The following SARS2 variants were observed in gnomAD, a reference collection of about 807,000 sequenced individuals.
SARS2 encodes the protein seryl-tRNA synthetase 2, mitochondrial, also known as serine--tRNA ligase, mitochondrial.
In SARS2, 52 loss-of-function variants were observed where a neutral mutation model predicts 66.8. The observed-to-expected ratio is 0.78, with a 90% CI of 0.62 to 0.98. The LOEUF is 0.98. SARS2 is among the 50% of genes least tolerant of loss of function. The probability of loss-of-function intolerance (pLI) is 0.00; values close to 1 mark genes in which losing one functional copy is unlikely to be tolerated. For missense variants in SARS2, 673 were observed against 706.3 expected, an observed-to-expected ratio of 0.95 and a Z score of 0.53; for synonymous variants, 306 against 281.4, an observed-to-expected ratio of 1.09 and a Z score of -0.87.
chr19:38,915,749 C>G lies in SARS2; in HGVS notation c.1414G>C (p.Asp472His), dbSNP rs753180948. The change falls in exon 16 of 16, where the codon GAC (aspartate) becomes CAC (histidine). Residue 472 changes from aspartate (D) to histidine (H), a missense_variant and splice_region_variant. Physicochemically the swap from Asp to His is moderately conservative, Grantham distance 81. Transcript: ENST00000221431. ...IALLESNQQK[D>H]GSVLVPPALQ... is the part of the protein sequence containing the mutation. ...GCAGGGGGCACGAGCACTGAGCCGT[C>G]CTGGGGACAGAGCAGACCTCAGGAC... The G allele has an allele frequency of 2.1e-5, 34 of 1,613,290 alleles. No individual in the cohort carries two copies. The highest frequency in any genetic ancestry group is 2.9e-5 in the Non-Finnish European group (34 of 1,179,990).
intron 1 of SARS2, among the ~76,000 whole-genome samples, chr19:38,929,902 A>G (rs921316609): frequency 6.6e-6 from 1 of 152,210 alleles, no homozygotes; most frequent in African/African-American, 2.4e-5. Flanking sequence ...TTTTATTATT[A>G]TTCACCGCAT....
In SARS2 at chr19:38,923,079, G is replaced by A. The variant is rs1600169266; in HGVS notation, c.364-812C>T. ...CCACCACGATCGGCTAATTTTTTTT[G>A]TATTTTTCGTAGAGACAAGGTTTCA... On this transcript the variant is annotated intron_variant, in intron 2 of 15. Coordinates refer to ENST00000221431, the MANE Select transcript of SARS2 (RefSeq NM_017827.4). Among the ~76,000 whole-genome samples the A allele has an allele frequency of 3.1e-5, 4 of 130,908 alleles. No individual in the cohort carries two copies. In the South Asian group the frequency reaches 9.8e-4, roughly 32 times the overall value. The allele number at this position is 130,908 out of a possible 152,430, so 85.9% of individuals were successfully genotyped here.
chr19:38,930,402 C>T (rs919954462), intron 1 of SARS2, 68 bp downstream of exon 1: 10 of 1,521,330 alleles, frequency 6.6e-6, no homozygotes, highest in South Asian at 1.2e-5. Context: ...TGCCGGAGGG[C>T]ATCTTGCAAA....
chr19:38,925,809 A>G (rs1974616674), intron 2 of SARS2, among the ~76,000 whole-genome samples: 1 of 152,074 alleles, frequency 6.6e-6, no homozygotes, highest in Non-Finnish European at 1.5e-5. Flanking sequence ...GCATGTCCAC[A>G]TTGTTCACGC....
Position 38,917,793 on chromosome 19 carries a change from C to T in SARS2, c.1091G>A (p.Ser364Asn), listed in dbSNP as rs748459213. Residue 364 changes from serine to asparagine, a missense_variant, in exon 12 of 16, where the codon AGC (serine) becomes AAC (asparagine). Physicochemically the swap from Ser to Asn is conservative, Grantham distance 46. Transcript: ENST00000221431. ...CAGGAACTCCTCCAGCAGCTGTGAGCTCTGCTCCAGCCCAGGGCCTGTCAC... is the reference window on the plus strand; with the variant it reads ...CAGGAACTCCTCCAGCAGCTGTGAGTTCTGCTCCAGCCCAGGGCCTGTCAC... ...FGVTGPGLEQ[S>N]SQLLEEFLSL... 5 of 1,614,044 alleles carry T rather than the reference C, an allele frequency of 3.1e-6. No individual in the cohort carries two copies. Among genetic ancestry groups the T allele is most frequent in the Non-Finnish European group, 4.2e-6 (5 of 1,180,014 alleles).
At position 38,922,092 on chromosome 19, in the gene SARS2, T is replaced by C. The variant is rs774208283; in HGVS notation, c.393+146A>G. 35 of 1,602,418 alleles carry C rather than the reference T, an allele frequency of 2.2e-5. No homozygotes were observed. In the South Asian group the frequency reaches 3.5e-4, roughly 16 times the overall value. ...ATCCAGCCGCACCTGAAGCCAGTTT[T>C]AGTTTCATGCATCAATAGAGCCTAT... On this transcript the variant is annotated intron_variant, in intron 3 of 15. Coordinates refer to ENST00000221431, the MANE Select transcript of SARS2 (RefSeq NM_017827.4).
intron 2 of SARS2, among the ~76,000 whole-genome samples, chr19:38,924,867 G>C (rs902706552): frequency 2.4e-4 from 37 of 152,176 alleles, no homozygotes; most frequent in African/African-American, 8.4e-4. Context: ...AATTGGGTTT[G>C]TATTGTTCCT....
Position 38,915,506 on chromosome 19 carries a change from CAG to C in SARS2, c.*98_*99del. On this transcript the variant is annotated 3_prime_UTR_variant, in exon 16 of 16. Coordinates refer to ENST00000221431, the MANE Select transcript of SARS2 (RefSeq NM_017827.4). Reference sequence around the variant, plus strand: ...GGGCGTGGAGCTGACAGGAAGAACACAGATGTCAGGACGGGCTCAGCAACACA... The same window carrying C: ...GGGCGTGGAGCTGACAGGAAGAACACATGTCAGGACGGGCTCAGCAACACA... 2 of 1,439,258 alleles carry C rather than the reference CAG, an allele frequency of 1.4e-6. No individual in the cohort carries two copies. Among genetic ancestry groups the C allele is most frequent in the Non-Finnish European group, 1.9e-6 (2 of 1,047,988 alleles). 89.2% of individuals were successfully genotyped at this position (1,439,258 alleles called of 1,614,324 possible).
intron 5 of SARS2, among the ~76,000 whole-genome samples, chr19:38,920,511 C>A (rs935402585): frequency 6.6e-6 from 1 of 151,628 alleles, no homozygotes; most frequent in Non-Finnish European, 1.5e-5. Flanking sequence ...GAGAAAAAGC[C>A]CCGGAGACAG....
chr19:38,921,920 G>C (rs1291269830), intron 3 of SARS2: 1 of 1,492,454 alleles, frequency 6.7e-7, no homozygotes, highest in Non-Finnish European at 9.1e-7. Flanking sequence ...GGCACCTGAT[G>C]TCAGCTGAAC....
At chr19:38,921,274 C>A in intron 5 of SARS2, 118 bp downstream of exon 5, 1 of 1,079,946 alleles carries the variant, frequency 9.3e-7, no homozygotes. Context: ...ACCTCCTGTA[C>A]CGCCAGGAGT....
chr19:38,918,297 T>C (rs1974454845), intron 9 of SARS2, 125 bp downstream of exon 9: 15 of 1,156,872 alleles, frequency 1.3e-5, no homozygotes, highest in Non-Finnish European at 1.7e-5. Context: ...TACACAGCCG[T>C]ACATGTTGGC....
At chr19:38,920,894 CACACAA>C in intron 5 of SARS2, among the ~76,000 whole-genome samples, 1 of 151,824 alleles carries the variant, frequency 6.6e-6, no homozygotes, top group South Asian at 2.1e-4. Context: ...GACACACACA[CACACAA>C]ACACAGATAT....
At chr19:38,919,953 C>A in intron 6 of SARS2, 86 bp from the exon 7 acceptor site, 1 of 1,397,856 alleles carries the variant, frequency 7.2e-7, no homozygotes, top group East Asian at 2.4e-5. Context: ...AGAGGCCCGG[C>A]TGCTGGGTGG....
Position 38,920,648 on chromosome 19 carries a change from CACAT to C in SARS2, c.590-503_590-500del, listed in dbSNP as rs1191726162. 1.1e-4 allele frequency among the ~76,000 whole-genome samples: 17 copies of C among 151,058 alleles called. 1 individual carries two copies. The highest frequency in any genetic ancestry group is 3.3e-4 in the Admixed American group (5 of 15,202). On this transcript the variant is annotated intron_variant, in intron 5 of 15. Transcript: ENST00000221431. ...ACATATACAGACACACAGAGACAGA[CACAT>C]ACACAGACACGCAGAGACAGACACA...
Position 38,918,783 on chromosome 19 carries a change from G to A in SARS2, c.790C>T (p.Leu264Phe), listed in dbSNP as rs1400964032. Residue 264 changes from leucine (L) to phenylalanine (F), a missense_variant, in exon 8 of 16, where the codon CTC becomes TTC. Transcript: ENST00000221431. ...TCACTCACAAACACTGCTCCGCGGA[G>A]AAGGTCTGGCACCGTCATGGGGGTG... ...GFTPMTVPDLLRGAVFEGCGM... is the reference protein window; with the variant it reads ...GFTPMTVPDLFRGAVFEGCGM... 6.4e-6 allele frequency: 10 copies of A among 1,562,002 alleles called. No homozygotes were observed. Among genetic ancestry groups the A allele is most frequent in the Non-Finnish European group, 7.8e-6 (9 of 1,152,476 alleles).
At chr19:38,929,304 C>A (rs1974686642) in intron 1 of SARS2, among the ~76,000 whole-genome samples, 1 of 148,830 alleles carries the variant, frequency 6.7e-6, no homozygotes, top group Non-Finnish European at 1.5e-5. Context: ...CCTGTAATCT[C>A]AGCATTTTGG....
chr19:38,917,682 C>CCCCCCCCCAG, intron 12 of SARS2, 42 bp downstream of exon 12: 3 of 701,520 alleles, frequency 4.3e-6, no homozygotes, highest in Non-Finnish European at 7.8e-6. Context: ...CCCTCCCCTA[C>CCCCCCCCCAG]CCCACCCCTG....
At position 38,930,599 on chromosome 19, in the gene SARS2, C is replaced by T. The variant is rs774548274; in HGVS notation, c.138G>A (p.Glu46=). The T allele has an allele frequency of 3.1e-6, 5 of 1,614,018 alleles. 1 individual carries two copies. In the Admixed American group the frequency reaches 6.7e-5, roughly 22 times the overall value. ...GTGCGCTGTAGCCCTCGCGCGCATA[C>T]TCGTACAGGAGGTTCCGGTTTCGTT... The part of the protein sequence containing the change: ...TEKRNRNLLY[E]YAREGYSALP... The change falls in exon 1 of 16, where the codon GAG becomes GAA. Residue 46 remains glutamate (E), a synonymous_variant. Transcript: ENST00000221431.
Sources: allele counts gnomAD v4.1 joint callset (sites outside exome capture counted in the v4.1 genomes callset), GRCh38; gene constraint gnomAD v4.1.1; transcripts MANE v1.5; gene names NCBI Gene and HGNC (gene_info 2026-07-23, HGNC 2026-07-21).